The following STIL variants were observed in gnomAD, a reference collection of about 807,000 sequenced individuals.
STIL encodes the protein STIL centriolar assembly protein.
In STIL, 55 loss-of-function variants were observed where a neutral mutation model predicts 110.1. The observed-to-expected ratio is 0.50, with a 90% CI of 0.40 to 0.63. The LOEUF (loss-of-function observed/expected upper bound fraction) is 0.63, where lower values mean the gene tolerates loss of function less well. Among genes scored for constraint, STIL ranks in the 20% least tolerant of loss-of-function variants. STIL has a pLI of 0.00. For missense variants in STIL, 1,358 were observed against 1,530.0 expected (o/e 0.89, Z 1.87); for synonymous variants, 481 against 530.0 (o/e 0.91, Z 1.27).
chr1:47,311,789 G>A (rs1557783495), intron 1 of STIL, among the ~76,000 whole-genome samples: 1 of 152,176 alleles, frequency 6.6e-6, no homozygotes, highest in Non-Finnish European at 1.5e-5. Flanking sequence ...GCTCATTCCT[G>A]TAATCCCACC....
At chr1:47,271,569 A>G (rs1644836222) in intron 13 of STIL, among the ~76,000 whole-genome samples, 1 of 151,888 alleles carries the variant, frequency 6.6e-6, no homozygotes, top group Admixed American at 6.6e-5. Context: ...AAAAAAAAAA[A>G]AAAAAAAAAG....
intron 13 of STIL, 140 bp from the exon 14 acceptor site, chr1:47,270,006 G>T: frequency 1.3e-6 from 1 of 778,398 alleles, no homozygotes; most frequent in South Asian, 1.5e-5. Flanking sequence ...AGAGGCAGAG[G>T]CGGGAGGATC....
intron 6 of STIL, 58 bp downstream of exon 6, chr1:47,299,847 G>A (rs1645751480): frequency 6.5e-7 from 1 of 1,545,058 alleles, no homozygotes. Flanking sequence ...ACATTACATG[G>A]ACATTCTGAA....
At position 47,280,374 on chromosome 1, in the gene STIL, C is replaced by A; in HGVS notation, c.2084G>T (p.Cys695Phe). Residue 695 changes from cysteine to phenylalanine, a missense_variant, in exon 12 of 17, where the codon TGT becomes TTT. By Grantham distance (205) the Cys-to-Phe change is radical. Transcript: ENST00000371877. Reference protein sequence around the residue: ...VARPPSHMDLCNPQPCTVCMH... With the variant: ...VARPPSHMDLFNPQPCTVCMH... ...GCACACTGTGCAAGGCTGTGGGTTA[C>A]ATAAGTCCATATGTGAAGGCGGTCT... The A allele has an allele frequency of 2.5e-6, 4 of 1,614,214 alleles. No homozygotes were observed. The highest frequency in any genetic ancestry group is 2.5e-6 in the Non-Finnish European group (3 of 1,180,050).
chr1:47,269,678 T>A lies in STIL; in HGVS notation c.2572A>T (p.Ile858Phe), dbSNP rs1288716009. 6.2e-7 allele frequency: 1 copy of A among 1,614,094 alleles called. No homozygotes were observed. The highest frequency in any genetic ancestry group is 1.7e-5 in the Admixed American group (1 of 60,004). The change falls in exon 14 of 17, where the codon ATT becomes TTT. Residue 858 changes from isoleucine to phenylalanine, a missense_variant. Transcript: ENST00000371877. Reference protein sequence around the residue: ...VDIPSFEESNIAVEEEFNQPL... With the variant: ...VDIPSFEESNFAVEEEFNQPL... ...TGGTTAAATTCTTCTTCCACAGCAA[T>A]GTTGCTCTCTTCAAAACTGGGAATA... is the stretch of plus-strand genomic sequence containing the variant.
At position 47,295,813 on chromosome 1, in the gene STIL, A is replaced by C. The variant is rs767371332; in HGVS notation, c.737T>G (p.Leu246Arg). 1 of 1,613,156 alleles carries C rather than the reference A, an allele frequency of 6.2e-7. No individual in the cohort carries two copies. The highest frequency in any genetic ancestry group is 8.5e-7 in the Non-Finnish European group (1 of 1,179,396). Reference protein sequence around the residue: ...LTMDETRKLLLLLESDPKVYS... With the variant: ...LTMDETRKLLRLLESDPKVYS... ...AACCTTGGGATCAGATTCCAACAAAAGTAACAATTTGCGTGTTTCATCCAT... is the reference window on the plus strand; with the variant it reads ...AACCTTGGGATCAGATTCCAACAAACGTAACAATTTGCGTGTTTCATCCAT... Residue 246 changes from leucine to arginine, a missense_variant, in exon 7 of 17, where the codon CTT becomes CGT. Coordinates refer to ENST00000371877, the MANE Select transcript of STIL (RefSeq NM_001048166.1).
At chr1:47,310,529 T>C (rs1646093538) in intron 1 of STIL, among the ~76,000 whole-genome samples, 167 bp from the exon 2 acceptor site, 1 of 152,230 alleles carries the variant, frequency 6.6e-6, no homozygotes, top group Non-Finnish European at 1.5e-5. Flanking sequence ...TTTCATACGT[T>C]AGAGTCATTC....
intron 1 of STIL, among the ~76,000 whole-genome samples, chr1:47,311,718 A>C (rs570444358): frequency 6.6e-6 from 1 of 152,138 alleles, no homozygotes; most frequent in Non-Finnish European, 1.5e-5. Context: ...AGAGTTCCTT[A>C]GGTCCTGCAC....
Position 47,259,040 on chromosome 1 carries a change from G to A in STIL, c.3080+1249C>T, listed in dbSNP as rs552569100. On this transcript the variant is annotated intron_variant, in intron 16 of 16. Transcript: ENST00000371877. ...CTTGCTTTGCTATCCAAGCTGGAGT[G>A]CAGTGGCGCAATCTCGGCTCACTGC... Among the ~76,000 whole-genome samples the A allele has an allele frequency of 1.4e-4, 15 of 104,606 alleles. No homozygotes were observed. In the East Asian group the frequency reaches 3.6e-3, roughly 25 times the overall value. The allele number at this position is 104,606 out of a possible 152,430, so 68.6% of individuals were successfully genotyped here. A position where few individuals can be genotyped will look rare whatever the true frequency, so the allele number is the denominator to read the frequency against.
At position 47,258,992 on chromosome 1, in the gene STIL, C is replaced by CTTTTTTTT. The variant is rs549227243; in HGVS notation, c.3080+1289_3080+1296dup. ...GAAATGGTTAAGAGAAGTAACTTTG[C>CTTTTTTTT]TTTTTTTTTTTTTTGAGACAGTCTT... On this transcript the variant is annotated intron_variant, in intron 16 of 16. Coordinates refer to ENST00000371877, the MANE Select transcript of STIL (RefSeq NM_001048166.1). 1.0e-2 allele frequency among the ~76,000 whole-genome samples: 941 copies of CTTTTTTTT among 94,344 alleles called. 147 individuals carry two copies. Among genetic ancestry groups the CTTTTTTTT allele is most frequent in the African/African-American group, 0.041 (898 of 21,716 alleles). 61.9% of individuals were successfully genotyped at this position (94,344 alleles called of 152,430 possible). A position where few individuals can be genotyped will look rare whatever the true frequency, so the allele number is the denominator to read the frequency against.
intron 2 of STIL, 32 bp downstream of exon 2, chr1:47,310,244 T>A (rs1302951123): frequency 6.2e-7 from 1 of 1,602,222 alleles, no homozygotes; most frequent in Non-Finnish European, 8.5e-7. Context: ...TGAAAAGCTG[T>A]AAGACAAATA....
intron 14 of STIL, among the ~76,000 whole-genome samples, chr1:47,263,470 GAATT>G: frequency 6.6e-6 from 1 of 152,148 alleles, no homozygotes; most frequent in Non-Finnish European, 1.5e-5. Context: ...CTTAGCCCAG[GAATT>G]CGAGGCTGCA....
chr1:47,309,052 CAA>C (rs879818960), intron 2 of STIL, among the ~76,000 whole-genome samples: 12 of 113,308 alleles, frequency 1.1e-4, no homozygotes, highest in Admixed American at 2.8e-4. Context: ...ACTCTGTCTC[CAA>C]AAAAAAAAAA....
chr1:47,251,335 A>T lies in STIL; in HGVS notation c.3668T>A (p.Leu1223His). The change falls in exon 17 of 17, where the codon CTT becomes CAT. Residue 1223 changes from leucine to histidine, a missense_variant. Physicochemically the swap from Leu to His is moderately conservative, Grantham distance 99. Transcript: ENST00000371877. ...AAGGTTCACTGCAGGACTTGGTTTA[A>T]GGTTCTTTACTAAGAAAGCTGGCTT... ...TEKPAFLVKN[L>H]KPSPAVNLRT... is the part of the protein sequence containing the mutation. The T allele has an allele frequency of 6.2e-7, 1 of 1,614,202 alleles. No homozygotes were observed. The highest frequency in any genetic ancestry group is 8.5e-7 in the Non-Finnish European group (1 of 1,180,038).
Position 47,250,158 on chromosome 1 carries a change from A to G in STIL, c.*978T>C, listed in dbSNP as rs886046388. 9.7e-5 allele frequency: 16 copies of G among 165,612 alleles called. No individual in the cohort carries two copies. The highest frequency in any genetic ancestry group is 1.7e-4 in the Non-Finnish European group (13 of 75,980). 10.3% of individuals were successfully genotyped at this position (165,612 alleles called of 1,614,324 possible). A position where few individuals can be genotyped will look rare whatever the true frequency, so the allele number is the denominator to read the frequency against. On this transcript the variant is annotated 3_prime_UTR_variant, in exon 17 of 17. Coordinates refer to ENST00000371877, the MANE Select transcript of STIL (RefSeq NM_001048166.1). ...ACAAAGGAAAATAGTCAATCTAGAC[A>G]TTTTATTAAGTTCTATTAAAAAATA...
chr1:47,308,172 C>T (rs1474224042), intron 2 of STIL, among the ~76,000 whole-genome samples: 1 of 152,132 alleles, frequency 6.6e-6, no homozygotes, highest in Non-Finnish European at 1.5e-5. Flanking sequence ...CCTATTCGCA[C>T]ACTCCCTCCC....
intron 12 of STIL, among the ~76,000 whole-genome samples, chr1:47,278,060 C>T (rs1049242890): frequency 2.0e-5 from 3 of 152,060 alleles, no homozygotes; most frequent in Non-Finnish European, 2.9e-5. Context: ...AGAACAGGAA[C>T]AAATTTGGGT....
At position 47,276,981 on chromosome 1, in the gene STIL, C is replaced by A. The variant is rs371227471; in HGVS notation, c.2217+3260G>T. ...AAATAAATAAATAAATAGATATAGC[C>A]TTTCCAGCAGCCATTTTCACTCATT... On this transcript the variant is annotated intron_variant, in intron 12 of 16. Coordinates refer to ENST00000371877, the MANE Select transcript of STIL (RefSeq NM_001048166.1). Among the ~76,000 whole-genome samples the A allele has an allele frequency of 5.9e-5, 9 of 151,976 alleles. No homozygotes were observed. In the East Asian group the frequency reaches 1.3e-3, roughly 23 times the overall value.
intron 12 of STIL, among the ~76,000 whole-genome samples, chr1:47,274,696 C>T (rs1165384500): frequency 2.0e-5 from 3 of 148,670 alleles, no homozygotes; most frequent in African/African-American, 5.0e-5. Context: ...GCTGCATCTT[C>T]TCCATTAAAA....
Sources: gnomAD v4.1 joint callset for allele counts (sites outside exome capture counted in the v4.1 genomes callset) on GRCh38, gnomAD v4.1.1 for gene constraint, MANE v1.5 for transcripts, NCBI Gene and HGNC (gene_info 2026-07-23, HGNC 2026-07-21) for gene names.